The following FHOD3 variants were observed in gnomAD, a reference collection of about 807,000 sequenced individuals.
FHOD3 encodes the protein formin homology 2 domain containing 3, also known as FH1/FH2 domain-containing protein 3.
A neutral mutation model predicts 173.0 loss-of-function variants in FHOD3; 90 were observed. The observed-to-expected ratio is 0.52, with a 90% confidence interval of 0.44 to 0.62. FHOD3 has a LOEUF of 0.62. FHOD3 is among the 20% of genes least tolerant of loss of function. The probability of loss-of-function intolerance (pLI) is 0.00; values close to 1 mark genes in which losing one functional copy is unlikely to be tolerated. For missense variants in FHOD3, 1,945 were observed against 2,034.7 expected, an observed-to-expected ratio of 0.96 and a Z score of 0.85; for synonymous variants, 828 against 823.0, an observed-to-expected ratio of 1.01 and a Z score of -0.10.
chr18:36,707,294 C>T (rs1271356686), intron 17 of FHOD3, among the ~76,000 whole-genome samples: 3 of 152,192 alleles, frequency 2.0e-5, no homozygotes, highest in African/African-American at 4.8e-5. Context: ...TGCTGCCCCT[C>T]CCCATGTCCT....
At chr18:36,461,197 T>C (rs777725440) in intron 3 of FHOD3, among the ~76,000 whole-genome samples, 144 of 152,298 alleles carry the variant, frequency 9.5e-4, no homozygotes, top group Non-Finnish European at 1.9e-3. Flanking sequence ...CTTCCATTGC[T>C]ATCAGCCACT....
chr18:36,461,187 C>G (rs2137728), intron 3 of FHOD3, among the ~76,000 whole-genome samples: 14,849 of 152,134 alleles, frequency 0.098, 1,460 homozygotes, highest in East Asian at 0.25. Flanking sequence ...GCTCACTCCT[C>G]TTCCATTGCT....
intron 10 of FHOD3, 89 bp from the exon 11 acceptor site, chr18:36,649,227 T>C: frequency 1.2e-6 from 1 of 827,610 alleles, no homozygotes; most frequent in Non-Finnish European, 1.9e-6. Context: ...TTGTTGTTGT[T>C]TTTGCTTCAT....
At chr18:36,600,731 T>A (rs1280898319) in intron 7 of FHOD3, among the ~76,000 whole-genome samples, 1 of 152,208 alleles carries the variant, frequency 6.6e-6, no homozygotes, top group Non-Finnish European at 1.5e-5. Context: ...TTTCCCTCTC[T>A]CTCTGGGCTG....
At chr18:36,342,905 T>A (rs1377053179) in intron 1 of FHOD3, among the ~76,000 whole-genome samples, 7 of 152,176 alleles carry the variant, frequency 4.6e-5, no homozygotes, top group African/African-American at 1.7e-4. Flanking sequence ...ACATGCCCAG[T>A]AAATACATGA....
chr18:36,613,876 T>C (rs964882570), intron 9 of FHOD3, among the ~76,000 whole-genome samples: 3 of 152,102 alleles, frequency 2.0e-5, no homozygotes, highest in Non-Finnish European at 4.4e-5. Context: ...TTTCACCATA[T>C]GGGCCCGATT....
At position 36,526,920 on chromosome 18, in the gene FHOD3, A is replaced by G. The variant is rs148173593; in HGVS notation, c.511+14377A>G. 4.2e-3 allele frequency among the ~76,000 whole-genome samples: 639 copies of G among 152,326 alleles called. 2 individuals carry two copies. The highest frequency in any genetic ancestry group is 7.4e-3 in the Non-Finnish European group (506 of 68,030). ...CATGTGGATTACAGATTCCCTCTATATCAGTCGAAGTCCTCACGTGAAAGG... is the reference window on the plus strand; with the variant it reads ...CATGTGGATTACAGATTCCCTCTATGTCAGTCGAAGTCCTCACGTGAAAGG... On this transcript the variant is annotated intron_variant, in intron 5 of 28. Transcript: ENST00000590592.
At chr18:36,631,536 T>C (rs1219181301) in intron 10 of FHOD3, among the ~76,000 whole-genome samples, 2 of 152,214 alleles carry the variant, frequency 1.3e-5, no homozygotes, top group African/African-American at 4.8e-5. Flanking sequence ...CAGCTAGCCT[T>C]TACGGAACAC....
At position 36,760,718 on chromosome 18, in the gene FHOD3, G is replaced by A. The variant is rs1053933786; in HGVS notation, c.4560G>A (p.Ser1520=). ...HENMKAVLKT[S]SPSVEDATPA... ...ACATGAAGGCTGTGCTGAAAACCTC[G>A]TCCCCCTCCGTGGAGGACGCCACCC... Residue 1520 remains serine (S), a synonymous_variant, in exon 27 of 29, where the codon TCG becomes TCA. Transcript: ENST00000590592. 10 of 1,613,126 alleles carry A rather than the reference G, an allele frequency of 6.2e-6. No individual in the cohort carries two copies. The highest frequency in any genetic ancestry group is 2.2e-5 in the South Asian group (2 of 91,078).
intron 2 of FHOD3, among the ~76,000 whole-genome samples, chr18:36,356,103 T>C (rs2046346381): frequency 6.6e-6 from 1 of 152,168 alleles, no homozygotes; most frequent in African/African-American, 2.4e-5. Flanking sequence ...TCTCTAAAAG[T>C]GAATAAATAA....
At chr18:36,502,769 A>G (rs2055105330) in intron 4 of FHOD3, among the ~76,000 whole-genome samples, 1 of 152,028 alleles carries the variant, frequency 6.6e-6, no homozygotes. Context: ...ATCCCAAACA[A>G]CCTCTTTCCA....
intron 14 of FHOD3, among the ~76,000 whole-genome samples, chr18:36,670,391 C>T (rs1224461323): frequency 6.6e-6 from 1 of 152,108 alleles, no homozygotes; most frequent in Non-Finnish European, 1.5e-5. Flanking sequence ...GAAGTTTCCA[C>T]AAAGTTCACT....
At chr18:36,658,272 T>C in intron 14 of FHOD3, 84 bp downstream of exon 14, 1 of 867,498 alleles carries the variant, frequency 1.2e-6, no homozygotes, top group East Asian at 3.0e-5. Context: ...AGGAAAAATA[T>C]AAATAAAAGA....
chr18:36,686,920 A>C (rs751265224), intron 15 of FHOD3, among the ~76,000 whole-genome samples: 10 of 152,184 alleles, frequency 6.6e-5, no homozygotes, highest in Non-Finnish European at 1.5e-4. Flanking sequence ...GTTTTCTGCA[A>C]TCCCTGTGAT....
At chr18:36,341,277 G>A (rs2045605930) in intron 1 of FHOD3, among the ~76,000 whole-genome samples, 1 of 152,016 alleles carries the variant, frequency 6.6e-6, no homozygotes, top group Non-Finnish European at 1.5e-5. Flanking sequence ...TAGATGTTTG[G>A]GCTTCTGCTT....
At chr18:36,749,341 C>T (rs2042302217) in intron 24 of FHOD3, among the ~76,000 whole-genome samples, 1 of 152,164 alleles carries the variant, frequency 6.6e-6, no homozygotes, top group Admixed American at 6.5e-5. Flanking sequence ...TTCCACCCTC[C>T]ACCTTCATGT....
At chr18:36,561,081 A>G (rs182917696) in intron 5 of FHOD3, among the ~76,000 whole-genome samples, 95 of 152,266 alleles carry the variant, frequency 6.2e-4, no homozygotes, top group African/African-American at 2.1e-3. Context: ...GTTCCCAAGA[A>G]TCAAATTTCA....
intron 6 of FHOD3, among the ~76,000 whole-genome samples, chr18:36,577,048 A>T (rs1443303811): frequency 6.6e-6 from 1 of 151,724 alleles, no homozygotes; most frequent in Non-Finnish European, 1.5e-5. Context: ...AGCTGAGATC[A>T]TGCCACTGCA....
Position 36,718,731 on chromosome 18 carries a change from A to C in FHOD3, c.3417+16A>C. ...TGTCTCAAAGGTACTGCTAGTCTTC[A>C]GCATGCTTCTTGATTGGAAGTTGGG... On this transcript the variant is annotated intron_variant, in intron 19 of 28. Transcript: ENST00000590592. The C allele has an allele frequency of 6.2e-7, 1 of 1,601,292 alleles. No homozygotes were observed. Among genetic ancestry groups the C allele is most frequent in the Non-Finnish European group, 8.5e-7 (1 of 1,172,860 alleles).
Sources: gnomAD v4.1 joint callset for allele counts (sites outside exome capture counted in the v4.1 genomes callset) on GRCh38, gnomAD v4.1.1 for gene constraint, MANE v1.5 for transcripts, NCBI Gene and HGNC (gene_info 2026-07-23, HGNC 2026-07-21) for gene names.